The following TBCA variants were observed in gnomAD, a reference collection of about 807,000 sequenced individuals.
The protein encoded by TBCA is tubulin-specific chaperone A.
TBCA carries 6 observed loss-of-function variants against 15.8 expected under a neutral mutation model. The ratio of observed to expected loss-of-function variants is 0.38; its 90% confidence interval spans 0.21 to 0.75. The LOEUF is 0.75. TBCA is among the 30% of genes least tolerant of loss of function. The pLI is 0.46. For synonymous variants in TBCA, 32 were observed against 42.3 expected, an observed-to-expected ratio of 0.76 and a Z score of 0.94; for missense variants, 90 against 131.2, an observed-to-expected ratio of 0.69 and a Z score of 1.53.
At chr5:77,713,105 G>A (rs1416830785) in intron 1 of TBCA, among the ~76,000 whole-genome samples, 1 of 152,020 alleles carries the variant, frequency 6.6e-6, no homozygotes, top group African/African-American at 2.4e-5. Flanking sequence ...ACCAACCTGG[G>A]CAACACGGCG....
intron 1 of TBCA, among the ~76,000 whole-genome samples, chr5:77,717,946 A>G (rs1746440083): frequency 6.6e-6 from 1 of 151,636 alleles, no homozygotes; most frequent in Non-Finnish European, 1.5e-5. Flanking sequence ...CCTGAACAAC[A>G]TGGAGAAACT....
intron 1 of TBCA, among the ~76,000 whole-genome samples, chr5:77,767,486 T>C (rs916539971): frequency 6.6e-5 from 10 of 152,216 alleles, no homozygotes; most frequent in African/African-American, 2.2e-4. Flanking sequence ...TCTCCAAAAC[T>C]CACTTGTCTA....
intron 1 of TBCA, among the ~76,000 whole-genome samples, chr5:77,751,012 G>C (rs1195434967): frequency 3.3e-5 from 5 of 152,100 alleles, no homozygotes; most frequent in African/African-American, 9.7e-5. Context: ...TTGTCATGCA[G>C]ATGAAGCCTC....
At chr5:77,708,405 G>C in intron 1 of TBCA, 58 bp from the exon 2 acceptor site, 1 of 986,580 alleles carries the variant, frequency 1.0e-6, no homozygotes, top group Non-Finnish European at 1.5e-6. Flanking sequence ...CCATAAGAAA[G>C]AAACTGTGTA....
chr5:77,758,355 A>T (rs1005599242), intron 1 of TBCA, among the ~76,000 whole-genome samples: 2 of 152,184 alleles, frequency 1.3e-5, no homozygotes, highest in African/African-American at 4.8e-5. Context: ...GATTCCAGGC[A>T]TTGTAAAGAA....
chr5:77,710,295 A>T (rs925526100), intron 1 of TBCA, among the ~76,000 whole-genome samples: 1 of 152,234 alleles, frequency 6.6e-6, no homozygotes, highest in Non-Finnish European at 1.5e-5. Flanking sequence ...CAGATACAGA[A>T]ATCTGCATTT....
chr5:77,749,613 C>G (rs952428004), intron 1 of TBCA, among the ~76,000 whole-genome samples: 3 of 152,178 alleles, frequency 2.0e-5, no homozygotes, highest in Admixed American at 6.5e-5. Flanking sequence ...ATTAGTAGAA[C>G]TATAAATAGT....
chr5:77,726,840 TAATA>T (rs1746639969), intron 1 of TBCA, among the ~76,000 whole-genome samples: 1 of 152,168 alleles, frequency 6.6e-6, no homozygotes, highest in African/African-American at 2.4e-5. Flanking sequence ...TAGTGTTATT[TAATA>T]GTTAAATACC....
chr5:77,714,005 GA>G (rs34199450), intron 1 of TBCA, among the ~76,000 whole-genome samples: 69,107 of 137,186 alleles, frequency 0.5, 16,505 homozygotes, highest in South Asian at 0.55. Flanking sequence ...AGAATCCATT[GA>G]AAAAAAAAAA....
chr5:77,714,529 A>T (rs1280593141), intron 1 of TBCA, among the ~76,000 whole-genome samples: 1 of 152,022 alleles, frequency 6.6e-6, no homozygotes, highest in Admixed American at 6.6e-5. Flanking sequence ...AAGGTGGAGA[A>T]GAAAATTCAT....
chr5:77,774,256 C>A (rs1390945964), intron 1 of TBCA, among the ~76,000 whole-genome samples: 1 of 152,148 alleles, frequency 6.6e-6, no homozygotes, highest in Non-Finnish European at 1.5e-5. Flanking sequence ...AAATATATTT[C>A]TTTACATATT....
At chr5:77,723,115 T>C (rs1385014685) in intron 1 of TBCA, among the ~76,000 whole-genome samples, 3 of 151,770 alleles carry the variant, frequency 2.0e-5, no homozygotes, top group African/African-American at 4.8e-5. Flanking sequence ...AAAAATTATA[T>C]AGTAACATTA....
At chr5:77,704,593 T>A (rs1232162221) in intron 2 of TBCA, among the ~76,000 whole-genome samples, 1 of 152,136 alleles carries the variant, frequency 6.6e-6, no homozygotes, top group African/African-American at 2.4e-5. Flanking sequence ...ACAATAAATG[T>A]TAAGAAAACC....
intron 1 of TBCA, among the ~76,000 whole-genome samples, chr5:77,746,688 T>C (rs1580124391): frequency 6.6e-6 from 1 of 152,182 alleles, no homozygotes; most frequent in African/African-American, 2.4e-5. Flanking sequence ...AACCACTTTG[T>C]GCACGTATCA....
chr5:77,714,488 G>C (rs1348295680), intron 1 of TBCA, among the ~76,000 whole-genome samples: 1 of 152,006 alleles, frequency 6.6e-6, no homozygotes, highest in Admixed American at 6.6e-5. Context: ...GAGAGAAAAT[G>C]ATTTATAACC....
intron 1 of TBCA, among the ~76,000 whole-genome samples, chr5:77,731,478 C>T (rs1252836942): frequency 6.6e-6 from 1 of 152,130 alleles, no homozygotes; most frequent in Non-Finnish European, 1.5e-5. Flanking sequence ...TGCCAATAAA[C>T]AGTGCTACCA....
At chr5:77,746,747 T>C (rs1747195182) in intron 1 of TBCA, among the ~76,000 whole-genome samples, 1 of 152,200 alleles carries the variant, frequency 6.6e-6, no homozygotes, top group African/African-American at 2.4e-5. Flanking sequence ...ACAGATTAAG[T>C]ACTATGCTTA....
intron 1 of TBCA, among the ~76,000 whole-genome samples, chr5:77,752,002 G>A (rs1210353927): frequency 6.6e-6 from 1 of 152,172 alleles, no homozygotes; most frequent in Non-Finnish European, 1.5e-5. Context: ...TGGTCCAATA[G>A]GCTGGTTGCA....
chr5:77,718,209 T>C (rs1229358429), intron 1 of TBCA, among the ~76,000 whole-genome samples: 1 of 152,216 alleles, frequency 6.6e-6, no homozygotes, highest in African/African-American at 2.4e-5. Context: ...TCAGAATAAA[T>C]AATATTACCT....
Sources: allele counts gnomAD v4.1 joint callset (sites outside exome capture counted in the v4.1 genomes callset), GRCh38; gene constraint gnomAD v4.1.1; transcripts MANE v1.5; gene names NCBI Gene and HGNC (gene_info 2026-07-23, HGNC 2026-07-21).